LAMC1: variants seen among roughly 807,000 people sequenced by gnomAD.
LAMC1 encodes laminin subunit gamma 1.
Under a neutral mutation model 173.6 loss-of-function variants are expected in LAMC1, and 38 were observed. The observed-to-expected ratio is 0.22, with a 90% CI of 0.17 to 0.29. LAMC1 has a LOEUF of 0.29. Ranked by LOEUF, LAMC1 falls within the 10% of genes least tolerant of loss-of-function variation. The pLI, the probability that LAMC1 is intolerant of heterozygous loss-of-function variation, is 1.00. For synonymous variants in LAMC1, 746 were observed against 749.1 expected, an observed-to-expected ratio of 1.00 and a Z score of 0.07; for missense variants, 1,824 against 2,051.8, an observed-to-expected ratio of 0.89 and a Z score of 2.14.
intron 26 of LAMC1, chr1:183,138,278 C>T (rs1291500057): frequency 1.4e-6 from 1 of 739,314 alleles, no homozygotes; most frequent in Non-Finnish European, 1.7e-6. Context: ...ATGAAACTTA[C>T]ATCTAGTTTA....
intron 1 of LAMC1, among the ~76,000 whole-genome samples, chr1:183,057,397 G>A (rs1333628981): frequency 1.3e-5 from 2 of 152,130 alleles, no homozygotes; most frequent in Admixed American, 6.5e-5. Context: ...CCAGTCTCTC[G>A]TTTCACTAGG....
Position 183,118,055 on chromosome 1 carries a change from C to T in LAMC1, c.1899C>T (p.Tyr633=). ...YVFRLHEATD[Y]PWRPALTPFE... Reference sequence around the variant, plus strand: ...CCAGGCTCCATGAAGCAACAGATTACCCTTGGAGGCCTGCTCTTACCCCTT... The same window carrying T: ...CCAGGCTCCATGAAGCAACAGATTATCCTTGGAGGCCTGCTCTTACCCCTT... Residue 633 remains tyrosine (Y), a synonymous_variant, in exon 11 of 28, where the codon TAC becomes TAT. Transcript: ENST00000258341. 2.5e-6 allele frequency: 4 copies of T among 1,612,420 alleles called. No individual in the cohort carries two copies. Among genetic ancestry groups the T allele is most frequent in the African/African-American group, 1.3e-5 (1 of 74,990 alleles).
At chr1:183,132,256 C>T in intron 20 of LAMC1, 144 bp from the exon 21 acceptor site, 2 of 547,384 alleles carry the variant, frequency 3.7e-6, no homozygotes, top group Non-Finnish European at 6.1e-6. Flanking sequence ...CACGCCACTG[C>T]ACACCAGCCT....
chr1:183,051,616 A>G lies in LAMC1; in HGVS notation c.418+27482A>G, dbSNP rs76640259. Among the ~76,000 whole-genome samples the G allele has an allele frequency of 3.3e-3, 502 of 152,276 alleles. 3 individuals carry two copies. Among genetic ancestry groups the G allele is most frequent in the African/African-American group, 0.012 (481 of 41,552 alleles). ...CTGGAACACTTACTGAGTCTCTGGG[A>G]TTATTGAGTTGGAGTGCCTATGCTG... On this transcript the variant is annotated intron_variant, in intron 1 of 27. Coordinates refer to ENST00000258341, the MANE Select transcript of LAMC1 (RefSeq NM_002293.4).
rs1656823298 is a variant in LAMC1, at chr1:183,132,449, G to T, written c.3616G>T (p.Asp1206Tyr). 6.2e-7 allele frequency: 1 copy of T among 1,613,408 alleles called. No individual in the cohort carries two copies. The highest frequency in any genetic ancestry group is 1.1e-5 in the South Asian group (1 of 91,076). Reference protein sequence around the residue: ...DIVRVAKTANDTSTEAYNLLL... With the variant: ...DIVRVAKTANYTSTEAYNLLL... The stretch of plus-strand genomic sequence containing the variant: ...TGTTCGAGTGGCAAAGACAGCCAAT[G>T]ATACGTCAACTGAGGCATACAACCT... Residue 1206 changes from aspartate to tyrosine, a missense_variant, in exon 21 of 28, where the codon GAT becomes TAT. Asp to Tyr is a radical substitution (Grantham distance 160, BLOSUM62 -3). Transcript: ENST00000258341.
intron 1 of LAMC1, among the ~76,000 whole-genome samples, chr1:183,101,027 A>T (rs570200689): frequency 6.6e-6 from 1 of 152,276 alleles, no homozygotes; most frequent in South Asian, 2.1e-4. Flanking sequence ...GTTCTTTCAG[A>T]GGGTGGCTTT....
At chr1:183,077,285 CGT>C (rs1655140594) in intron 1 of LAMC1, among the ~76,000 whole-genome samples, 1 of 152,072 alleles carries the variant, frequency 6.6e-6, no homozygotes, top group Non-Finnish European at 1.5e-5. Context: ...TCCTGTTAGT[CGT>C]TTTGGAGAGG....
intron 1 of LAMC1, among the ~76,000 whole-genome samples, chr1:183,079,567 A>G (rs545981029): frequency 5.3e-5 from 8 of 152,212 alleles, no homozygotes; most frequent in African/African-American, 1.4e-4. Context: ...AGCTGGGATT[A>G]CAGGTGTGAG....
intron 11 of LAMC1, among the ~76,000 whole-genome samples, chr1:183,119,440 A>G (rs936480495): frequency 6.6e-6 from 1 of 152,218 alleles, no homozygotes; most frequent in Non-Finnish European, 1.5e-5. Flanking sequence ...AAGGTTGTCA[A>G]CATATGGGCA....
At chr1:183,053,173 A>C (rs1654480373) in intron 1 of LAMC1, among the ~76,000 whole-genome samples, 1 of 152,172 alleles carries the variant, frequency 6.6e-6, no homozygotes, top group South Asian at 2.1e-4. Context: ...AAATGTAAAA[A>C]CTTGAAAAGT....
At chr1:183,103,762 G>A in intron 2 of LAMC1, 130 bp downstream of exon 2, 1 of 697,314 alleles carries the variant, frequency 1.4e-6, no homozygotes, top group Non-Finnish European at 2.3e-6. Flanking sequence ...GAGCAACACA[G>A]ACAGAGAGCT....
intron 1 of LAMC1, among the ~76,000 whole-genome samples, chr1:183,037,141 A>T (rs1654005347): frequency 6.6e-6 from 1 of 152,214 alleles, no homozygotes. Context: ...CATGATATTC[A>T]GTTGTTAATG....
At chr1:183,024,787 C>G (rs766793836) in intron 1 of LAMC1, among the ~76,000 whole-genome samples, 2 of 152,232 alleles carry the variant, frequency 1.3e-5, no homozygotes, top group African/African-American at 2.4e-5. Flanking sequence ...ACTGTAATTG[C>G]TGGGCATAGC....
chr1:183,068,765 AC>A (rs1654938431), intron 1 of LAMC1, among the ~76,000 whole-genome samples: 1 of 151,972 alleles, frequency 6.6e-6, no homozygotes, highest in South Asian at 2.1e-4. Flanking sequence ...ACATGGTGAA[AC>A]CCCATTGCTA....
intron 1 of LAMC1, among the ~76,000 whole-genome samples, 153 bp from the exon 2 acceptor site, chr1:183,103,175 C>A (rs772807322): frequency 1.3e-5 from 2 of 152,092 alleles, no homozygotes; most frequent in African/African-American, 4.8e-5. Flanking sequence ...GGGGAAAATA[C>A]GTAGTTTTCT....
At chr1:183,129,744 G>C (rs1353680992) in intron 18 of LAMC1, among the ~76,000 whole-genome samples, 2 of 152,088 alleles carry the variant, frequency 1.3e-5, no homozygotes. Flanking sequence ...CTGAGTATGA[G>C]ATTTAAGTTG....
In LAMC1 at chr1:183,137,674, C is replaced by T; in HGVS notation, c.4320C>T (p.Ala1440=). 1.9e-6 allele frequency: 3 copies of T among 1,582,146 alleles called. No homozygotes were observed. The highest frequency in any genetic ancestry group is 1.7e-6 in the Non-Finnish European group (2 of 1,165,306). ...ERIASAVQKN[A]TSTKAEAERT... Reference sequence around the variant, plus strand: ...CAATTTTCTTTTGTGCCTAGAATGCCACCAGCACCAAGGCAGAAGCTGAAA... The same window carrying T: ...CAATTTTCTTTTGTGCCTAGAATGCTACCAGCACCAAGGCAGAAGCTGAAA... Residue 1440 remains alanine (A), a synonymous_variant, in exon 26 of 28, where the codon GCC becomes GCT. Transcript: ENST00000258341.
intron 2 of LAMC1, among the ~76,000 whole-genome samples, chr1:183,106,280 G>A (rs10911243): frequency 0.52 from 78,637 of 152,092 alleles, 21,015 homozygotes; most frequent in South Asian, 0.65. Flanking sequence ...GATATAATAA[G>A]CATTAAACAC....
chr1:183,026,098 G>A (rs10911196), intron 1 of LAMC1, among the ~76,000 whole-genome samples: 75,799 of 151,990 alleles, frequency 0.5, 19,605 homozygotes, highest in South Asian at 0.64. Flanking sequence ...TTTTTACTAT[G>A]AAATGTTTTA....
Sources: gnomAD v4.1 joint callset for allele counts (sites outside exome capture counted in the v4.1 genomes callset) on GRCh38, gnomAD v4.1.1 for gene constraint, MANE v1.5 for transcripts, NCBI Gene and HGNC (gene_info 2026-07-23, HGNC 2026-07-21) for gene names.